Variants in FOXP1 observed in about 807,000 individuals in gnomAD.
The protein encoded by FOXP1 is forkhead box P1.
FOXP1 carries 15 observed loss-of-function variants against 98.2 expected under a neutral mutation model. The observed-to-expected ratio is 0.15, with a 90% confidence interval of 0.10 to 0.24. FOXP1 has a LOEUF of 0.24. Ranked by LOEUF, FOXP1 falls within the 10% of genes least tolerant of loss-of-function variation. The pLI, the probability that FOXP1 is intolerant of heterozygous loss-of-function variation, is 1.00. For missense variants in FOXP1, 633 were observed against 848.5 expected, an observed-to-expected ratio of 0.75 and a Z score of 3.15; for synonymous variants, 371 against 314.5, an observed-to-expected ratio of 1.18 and a Z score of -1.90.
chr3:71,134,885 C>T (rs576821518), intron 6 of FOXP1, among the ~76,000 whole-genome samples: 2 of 152,194 alleles, frequency 1.3e-5, no homozygotes, highest in East Asian at 3.9e-4. Context: ...AATAATGAAA[C>T]AAAAATAACT....
chr3:71,547,314 T>G (rs1471598973), intron 2 of FOXP1, among the ~76,000 whole-genome samples: 2 of 152,130 alleles, frequency 1.3e-5, no homozygotes, highest in East Asian at 3.9e-4. Flanking sequence ...GAACAAACAG[T>G]GCAGGACTAG....
At chr3:71,231,683 A>G (rs2066299878) in intron 5 of FOXP1, among the ~76,000 whole-genome samples, 1 of 152,382 alleles carries the variant, frequency 6.6e-6, no homozygotes, top group African/African-American at 2.4e-5. Context: ...TTCCAGGGAA[A>G]TATAAGTTAA....
rs555907169 is a variant in FOXP1 at position 71,156,500 on chromosome 3, G to A, written c.180+41702C>T. Among the ~76,000 whole-genome samples, 4 of 130,716 alleles carry A rather than the reference G, an allele frequency of 3.1e-5. No homozygotes were observed. The South Asian group carries it at 1.2e-3, about 38-fold the overall frequency. The allele number at this position is 130,716 out of a possible 152,430, so 85.8% of individuals were successfully genotyped here. ...TCCAAAAATGAAAGAATTTAAATGA[G>A]CCTGGGAGGGGGGGAAAAGAGTGAG... On this transcript the variant is annotated intron_variant, in intron 6 of 20. Transcript: ENST00000649528.
chr3:71,323,869 G>A (rs896557540), intron 4 of FOXP1, among the ~76,000 whole-genome samples: 4 of 152,106 alleles, frequency 2.6e-5, no homozygotes, highest in Admixed American at 2.0e-4. Context: ...TTCACCAGCA[G>A]GACACAGGGA....
intron 3 of FOXP1, among the ~76,000 whole-genome samples, chr3:71,381,283 TG>T (rs928964838): frequency 3.3e-5 from 5 of 151,824 alleles, no homozygotes; most frequent in African/African-American, 4.8e-5. Flanking sequence ...CCCCAGTAGC[TG>T]GAACTACAGG....
intron 6 of FOXP1, among the ~76,000 whole-genome samples, chr3:71,116,171 G>A (rs1220046692): frequency 2.0e-5 from 3 of 152,004 alleles, no homozygotes; most frequent in Non-Finnish European, 2.9e-5. Context: ...TTAGCTACTG[G>A]GATCCTCAGA....
intron 5 of FOXP1, among the ~76,000 whole-genome samples, chr3:71,284,237 C>T (rs1459287563): frequency 6.6e-6 from 1 of 151,956 alleles, no homozygotes; most frequent in Non-Finnish European, 1.5e-5. Flanking sequence ...ACTGATTTTC[C>T]CCCCTCTAGA....
chr3:70,968,748 G>C (rs542903854), intron 19 of FOXP1: 4 of 152,182 alleles, frequency 2.6e-5, no homozygotes, highest in Admixed American at 2.6e-4. Context: ...TGAAGATATT[G>C]TTCCACTATT....
At chr3:71,334,713 A>T (rs2076563657) in intron 4 of FOXP1, 1 of 152,224 alleles carries the variant, frequency 6.6e-6, no homozygotes, top group African/African-American at 2.4e-5. Flanking sequence ...TGGTTTAAGT[A>T]TAAAGAACAC....
At chr3:71,229,528 C>A (rs2066113483) in intron 5 of FOXP1, among the ~76,000 whole-genome samples, 1 of 152,010 alleles carries the variant, frequency 6.6e-6, no homozygotes, top group Non-Finnish European at 1.5e-5. Flanking sequence ...TTCATGAATG[C>A]AAAGCATAGC....
At chr3:71,366,701 G>A (rs1577155007) in intron 3 of FOXP1, among the ~76,000 whole-genome samples, 1 of 152,236 alleles carries the variant, frequency 6.6e-6, no homozygotes, top group East Asian at 1.9e-4. Flanking sequence ...TGACTGTCTT[G>A]TTTCCAGACT....
Position 71,215,388 on chromosome 3 carries a change from A to G in FOXP1, c.-11-16996T>C, listed in dbSNP as rs1006015893. On this transcript the variant is annotated intron_variant, in intron 5 of 20. Transcript: ENST00000649528. ...CAACATGAAGGTGATTGTCTAATCA[A>G]GAAGACACAGATTAATCAATTAGAC... 3.3e-5 allele frequency among the ~76,000 whole-genome samples: 5 copies of G among 152,368 alleles called. 1 individual carries two copies. The highest frequency in any genetic ancestry group is 3.3e-4 in the Admixed American group (5 of 15,308).
chr3:71,302,347 T>C (rs2073915531), intron 4 of FOXP1, among the ~76,000 whole-genome samples: 1 of 151,982 alleles, frequency 6.6e-6, no homozygotes, highest in African/African-American at 2.4e-5. Context: ...AGCAGAAAAA[T>C]AGGCATTTCA....
At chr3:71,001,918 A>G (rs965162874) in intron 12 of FOXP1, among the ~76,000 whole-genome samples, 6 of 152,226 alleles carry the variant, frequency 3.9e-5, no homozygotes, top group Middle Eastern at 3.2e-3. Context: ...CTGTAATGGG[A>G]TATTTGCCTC....
chr3:71,480,038 A>C (rs886270052), intron 3 of FOXP1, among the ~76,000 whole-genome samples: 2 of 152,158 alleles, frequency 1.3e-5, no homozygotes, highest in Admixed American at 6.5e-5. Context: ...TCTACTAAAA[A>C]TACAAAAATT....
At chr3:71,310,306 C>T (rs1473703446) in intron 4 of FOXP1, among the ~76,000 whole-genome samples, 1 of 152,126 alleles carries the variant, frequency 6.6e-6, no homozygotes, top group African/African-American at 2.4e-5. Context: ...AAAGTTATAG[C>T]CTGTTTGTGG....
At chr3:71,450,132 G>A (rs900954536) in intron 3 of FOXP1, among the ~76,000 whole-genome samples, 2 of 152,186 alleles carry the variant, frequency 1.3e-5, no homozygotes, top group Non-Finnish European at 2.9e-5. Flanking sequence ...GTAGGTGGAA[G>A]ACAAAGAAAA....
At chr3:71,520,098 A>G (rs1400207597) in intron 2 of FOXP1, among the ~76,000 whole-genome samples, 1 of 152,246 alleles carries the variant, frequency 6.6e-6, no homozygotes, top group African/African-American at 2.4e-5. Context: ...GCATACACAT[A>G]CCATTCCCTA....
At chr3:71,061,324 C>G (rs1240355049) in intron 7 of FOXP1, among the ~76,000 whole-genome samples, 2 of 152,180 alleles carry the variant, frequency 1.3e-5, no homozygotes, top group Non-Finnish European at 2.9e-5. Context: ...AAGAGAGCTA[C>G]AGCTCATCAC....
Sources: allele counts gnomAD v4.1 joint callset (sites outside exome capture counted in the v4.1 genomes callset), GRCh38; gene constraint gnomAD v4.1.1; transcripts MANE v1.5; gene names NCBI Gene and HGNC (gene_info 2026-07-23, HGNC 2026-07-21).